The following SLC9A4 variants were observed in gnomAD, a reference collection of about 807,000 sequenced individuals.
SLC9A4 encodes the protein sodium/hydrogen exchanger 4.
In SLC9A4, 63 loss-of-function variants were observed where a neutral mutation model predicts 67.4. That is an observed-to-expected ratio of 0.93 (90% CI 0.76 to 1.15). The LOEUF is 1.15. Among genes scored for constraint, SLC9A4 ranks in the 50% most tolerant of loss-of-function variants. The pLI, the probability that SLC9A4 is intolerant of heterozygous loss-of-function variation, is 0.00. For synonymous variants in SLC9A4, 393 were observed against 367.2 expected (o/e 1.07, Z -0.80); for missense variants, 1,089 against 987.7 (o/e 1.10, Z -1.38).
intron 9 of SLC9A4, among the ~76,000 whole-genome samples, chr2:102,524,610 C>T (rs879627550): frequency 1.4e-5 from 2 of 138,754 alleles, no homozygotes; most frequent in Non-Finnish European, 3.1e-5. Context: ...GTGTAGGTAT[C>T]CTTAATTGGC....
intron 11 of SLC9A4, among the ~76,000 whole-genome samples, chr2:102,531,596 T>G (rs1450975675): frequency 2.6e-5 from 4 of 152,206 alleles, no homozygotes; most frequent in Admixed American, 6.5e-5. Context: ...TGAGTATTGC[T>G]TAAGTTCGTG....
At chr2:102,508,036 C>G in intron 4 of SLC9A4, 43 bp from the exon 5 acceptor site, 1 of 1,588,042 alleles carries the variant, frequency 6.3e-7, no homozygotes, top group Non-Finnish European at 8.6e-7. Context: ...TATCTCTGCT[C>G]GTTCATGATC....
chr2:102,523,791 C>G (rs749622550), intron 9 of SLC9A4, among the ~76,000 whole-genome samples: 1 of 152,190 alleles, frequency 6.6e-6, no homozygotes, highest in African/African-American at 2.4e-5. Context: ...TGGCTCTTTT[C>G]CAGCACATCC....
chr2:102,505,691 T>C, intron 4 of SLC9A4: 1 of 476,066 alleles, frequency 2.1e-6, no homozygotes, highest in East Asian at 3.1e-5. Context: ...GAAGCAAGGC[T>C]GGGGCAAGGA....
At chr2:102,512,464 C>G (rs969682851) in intron 7 of SLC9A4, among the ~76,000 whole-genome samples, 191 bp downstream of exon 7, 1 of 152,140 alleles carries the variant, frequency 6.6e-6, no homozygotes, top group Non-Finnish European at 1.5e-5. Context: ...AGGTGGAAGA[C>G]GCAGTTGACT....
At chr2:102,503,387 A>G in intron 2 of SLC9A4, 61 bp from the exon 3 acceptor site, 3 of 1,418,706 alleles carry the variant, frequency 2.1e-6, no homozygotes, top group East Asian at 2.4e-5. Context: ...GAGAATGTGC[A>G]TGCAAAGTGT....
chr2:102,512,377 A>C, intron 7 of SLC9A4, 104 bp downstream of exon 7: 1 of 1,281,912 alleles, frequency 7.8e-7, no homozygotes, highest in Non-Finnish European at 1.1e-6. Context: ...CAAGAAGATA[A>C]AGTGCTCCTG....
chr2:102,502,844 C>T (rs1684970798), intron 2 of SLC9A4, among the ~76,000 whole-genome samples: 1 of 152,238 alleles, frequency 6.6e-6, no homozygotes, highest in Admixed American at 6.5e-5. Flanking sequence ...GGGTGGAGCC[C>T]TGGGCCACAG....
rs61086489 is a variant in SLC9A4 at position 102,491,252 on chromosome 2, G to A, written c.720+11950G>A. 3.0e-3 allele frequency among the ~76,000 whole-genome samples: 429 copies of A among 143,618 alleles called. 11 individuals carry two copies. The East Asian group carries it at 0.07, about 23-fold the overall frequency. 94.2% of individuals were successfully genotyped at this position (143,618 alleles called of 152,430 possible). The stretch of plus-strand genomic sequence containing the variant: ...AGCCTCATCAGGGATGCATTTGGTC[G>A]CTTGCTCACACTCTGCTGCTTTTTC... On this transcript the variant is annotated intron_variant, in intron 2 of 11. Coordinates refer to ENST00000295269, the MANE Select transcript of SLC9A4 (RefSeq NM_001011552.4).
chr2:102,507,371 C>A (rs895573040), intron 4 of SLC9A4, among the ~76,000 whole-genome samples: 1 of 152,156 alleles, frequency 6.6e-6, no homozygotes, highest in South Asian at 2.1e-4. Flanking sequence ...AGGACCTTTC[C>A]TAGCAGGCAC....
intron 11 of SLC9A4, among the ~76,000 whole-genome samples, chr2:102,531,589 G>A (rs1674779977): frequency 6.6e-6 from 1 of 152,152 alleles, no homozygotes; most frequent in African/African-American, 2.4e-5. Flanking sequence ...ATGATATTGA[G>A]TATTGCTTAA....
In SLC9A4 at chr2:102,488,648, G is replaced by A. The variant is rs577999284; in HGVS notation, c.720+9346G>A. ...ACTGTAAGCTCTGCCTCCCAGGTTC[G>A]CGACATTCTCCTGCCTCAGCCTCCC... On this transcript the variant is annotated intron_variant, in intron 2 of 11. Transcript: ENST00000295269. Among the ~76,000 whole-genome samples, 15 of 150,680 alleles carry A rather than the reference G, an allele frequency of 1.0e-4. No individual in the cohort carries two copies. The East Asian group carries it at 1.4e-3, about 14-fold the overall frequency.
chr2:102,525,074 G>A lies in SLC9A4; in HGVS notation c.1869G>A (p.Gln623=), dbSNP rs150913375. 1.9e-6 allele frequency: 3 copies of A among 1,613,958 alleles called. No homozygotes were observed. The African/African-American group carries it at 4.0e-5, about 22-fold the overall frequency. ...YNLKPQTSEK[Q]AKEILIRRQN... Reference sequence around the variant, plus strand: ...TCAAACCCCAAACAAGTGAGAAGCAGGCTAAAGAGATTCTGATCCGCCGCC... The same window carrying A: ...TCAAACCCCAAACAAGTGAGAAGCAAGCTAAAGAGATTCTGATCCGCCGCC... The change falls in exon 10 of 12, where the codon CAG becomes CAA. Residue 623 remains glutamine, a synonymous_variant. Coordinates refer to ENST00000295269, the MANE Select transcript of SLC9A4 (RefSeq NM_001011552.4).
chr2:102,484,264 C>T (rs931736865), intron 2 of SLC9A4, among the ~76,000 whole-genome samples: 5 of 152,096 alleles, frequency 3.3e-5, no homozygotes, highest in Non-Finnish European at 5.9e-5. Context: ...CAAACTTTTT[C>T]CTTTTTTCCT....
chr2:102,489,929 G>T (rs1376638828), intron 2 of SLC9A4, among the ~76,000 whole-genome samples: 2 of 152,170 alleles, frequency 1.3e-5, no homozygotes, highest in African/African-American at 2.4e-5. Flanking sequence ...AGTTTACTAT[G>T]CCAGAGCTCC....
At chr2:102,480,785 AAC>A (rs1304786268) in intron 2 of SLC9A4, among the ~76,000 whole-genome samples, 5 of 152,164 alleles carry the variant, frequency 3.3e-5, no homozygotes, top group African/African-American at 1.2e-4. Flanking sequence ...TAGATGGCCA[AAC>A]ACAGACACCC....
At chr2:102,500,336 C>T (rs554409412) in intron 2 of SLC9A4, among the ~76,000 whole-genome samples, 25 of 152,238 alleles carry the variant, frequency 1.6e-4, no homozygotes, top group African/African-American at 5.8e-4. Context: ...GTAGCACTGC[C>T]GACATCTCGA....
chr2:102,524,882 C>T lies in SLC9A4; in HGVS notation c.1819-142C>T, dbSNP rs1035678783. The T allele has an allele frequency of 3.1e-5, 30 of 967,862 alleles. No homozygotes were observed. In the African/African-American group the frequency reaches 3.3e-4, roughly 11 times the overall value. The allele number at this position is 967,862 out of a possible 1,614,324, so 60.0% of individuals were successfully genotyped here. A position where few individuals can be genotyped will look rare whatever the true frequency, so the allele number is the denominator to read the frequency against. ...TTCTTGGCGCTGAGGCTTGTTCATT[C>T]GTAATCAAGGCAAATGCTTAGCTGA... On this transcript the variant is annotated intron_variant, in intron 9 of 11. Coordinates refer to ENST00000295269, the MANE Select transcript of SLC9A4 (RefSeq NM_001011552.4).
chr2:102,473,617 T>C lies in SLC9A4; in HGVS notation c.-143T>C. ...CTACATACAGAGCTCAATAACACAC[T>C]CGGAATCTTCTTGGGAGGACCCACA... is the stretch of plus-strand genomic sequence containing the variant. On this transcript the variant is annotated 5_prime_UTR_variant, in exon 1 of 12. Coordinates refer to ENST00000295269, the MANE Select transcript of SLC9A4 (RefSeq NM_001011552.4). 9.9e-7 allele frequency: 1 copy of C among 1,006,106 alleles called. No homozygotes were observed. Among genetic ancestry groups the C allele is most frequent in the Non-Finnish European group, 1.4e-6 (1 of 698,474 alleles). 62.3% of individuals were successfully genotyped at this position (1,006,106 alleles called of 1,614,324 possible).
Sources: gnomAD v4.1 joint callset for allele counts (sites outside exome capture counted in the v4.1 genomes callset) on GRCh38, gnomAD v4.1.1 for gene constraint, MANE v1.5 for transcripts, NCBI Gene and HGNC (gene_info 2026-07-23, HGNC 2026-07-21) for gene names.